Variants in OTUD7A observed in about 807,000 individuals in gnomAD.
OTUD7A encodes the protein OTU domain-containing protein 7A.
A neutral mutation model predicts 65.7 loss-of-function variants in OTUD7A; 12 were observed. The ratio of observed to expected loss-of-function variants is 0.18; its 90% CI spans 0.12 to 0.30. The LOEUF is 0.30. OTUD7A is among the 10% of genes least tolerant of loss of function. OTUD7A has a pLI of 1.00. For synonymous variants in OTUD7A, 641 were observed against 586.3 expected (o/e 1.09, Z -1.35); for missense variants, 1,148 against 1,304.8 (o/e 0.88, Z 1.85).
chr15:31,719,603 T>C (rs1029020266), intron 1 of OTUD7A, among the ~76,000 whole-genome samples: 12 of 152,160 alleles, frequency 7.9e-5, no homozygotes, highest in Non-Finnish European at 1.3e-4. Context: ...TCCCTTGCAA[T>C]ACTGCAGCTC....
intron 4 of OTUD7A, 57 bp downstream of exon 4, chr15:31,569,961 C>A (rs1888993907): frequency 1.3e-6 from 2 of 1,586,190 alleles, no homozygotes; most frequent in Admixed American, 3.4e-5. Context: ...AACCCGCCTG[C>A]AAGCTGCGGT....
chr15:31,522,615 A>G (rs2141113014), intron 8 of OTUD7A, among the ~76,000 whole-genome samples: 1 of 152,298 alleles, frequency 6.6e-6, no homozygotes, highest in Non-Finnish European at 1.5e-5. Flanking sequence ...GATGATAATG[A>G]CAGCTCATAG....
At chr15:31,633,357 A>G (rs1891238141) in intron 3 of OTUD7A, among the ~76,000 whole-genome samples, 1 of 152,194 alleles carries the variant, frequency 6.6e-6, no homozygotes, top group Admixed American at 6.5e-5. Context: ...TGCCTCTCCA[A>G]CTTCTACACT....
chr15:31,563,775 G>A (rs879884459), intron 4 of OTUD7A, among the ~76,000 whole-genome samples: 5 of 152,242 alleles, frequency 3.3e-5, no homozygotes, highest in Non-Finnish European at 7.3e-5. Context: ...GGAGCTGGGA[G>A]CAGCCCTCAG....
At chr15:31,500,380 C>A (rs937845159) in intron 10 of OTUD7A, among the ~76,000 whole-genome samples, 4 of 152,266 alleles carry the variant, frequency 2.6e-5, no homozygotes, top group Admixed American at 1.3e-4. Flanking sequence ...GCTGTAGCCT[C>A]CAGTCGTCTC....
intron 1 of OTUD7A, among the ~76,000 whole-genome samples, chr15:31,676,596 G>C (rs1281195366): frequency 2.0e-5 from 3 of 152,160 alleles, no homozygotes; most frequent in African/African-American, 7.2e-5. Flanking sequence ...ATGAGGGACG[G>C]GTCAAGAGAA....
intron 1 of OTUD7A, among the ~76,000 whole-genome samples, chr15:31,835,526 GTTGGTCTTCA>G (rs1897032870): frequency 6.6e-6 from 1 of 152,156 alleles, no homozygotes. Context: ...GGCAGCCAGG[GTTGGTCTTCA>G]TTGACAAGAA....
chr15:31,814,220 T>C (rs117861216), intron 1 of OTUD7A, among the ~76,000 whole-genome samples: 3,962 of 152,370 alleles, frequency 0.026, 70 homozygotes, highest in Middle Eastern at 0.061. Context: ...GCATCGGCCA[T>C]GCAAGGGTGC....
intron 1 of OTUD7A, among the ~76,000 whole-genome samples, chr15:31,845,320 C>T (rs1235819267): frequency 6.6e-6 from 1 of 152,166 alleles, no homozygotes; most frequent in Non-Finnish European, 1.5e-5. Context: ...ATTGAAAAGG[C>T]TGCGGAGCCA....
intron 3 of OTUD7A, chr15:31,649,858 A>T (rs1448276231): frequency 2.8e-6 from 1 of 360,988 alleles, no homozygotes; most frequent in South Asian, 2.0e-5. Flanking sequence ...CACAGTTGGA[A>T]GTGCCACAGA....
intron 1 of OTUD7A, among the ~76,000 whole-genome samples, chr15:31,870,294 G>A (rs1897993114): frequency 6.8e-6 from 1 of 147,526 alleles, no homozygotes. Context: ...AGCGGAGCCC[G>A]CAATGCAGAC....
chr15:31,544,171 A>G (rs1288189767), intron 5 of OTUD7A, among the ~76,000 whole-genome samples: 1 of 151,650 alleles, frequency 6.6e-6, no homozygotes, highest in Non-Finnish European at 1.5e-5. Context: ...AAAATCAGAA[A>G]ATATTTTGAA....
intron 3 of OTUD7A, among the ~76,000 whole-genome samples, chr15:31,630,837 T>C (rs1159193692): frequency 6.6e-5 from 10 of 152,298 alleles, no homozygotes; most frequent in African/African-American, 2.2e-4. Context: ...TTTACCATTA[T>C]GTAATGGCCT....
chr15:31,610,617 A>ATTTTTTTTTTTTTTTTTTTTT (rs58099939), intron 3 of OTUD7A, among the ~76,000 whole-genome samples: 1 of 30,562 alleles, frequency 3.3e-5, no homozygotes, highest in African/African-American at 1.7e-4. Flanking sequence ...ATATATATAT[A>ATTTTTTTTTTTTTTTTTTTTT]TTTTTTTTTT....
chr15:31,843,035 AGAC>A (rs1328712109), intron 1 of OTUD7A, among the ~76,000 whole-genome samples: 1 of 152,042 alleles, frequency 6.6e-6, no homozygotes, highest in Non-Finnish European at 1.5e-5. Flanking sequence ...ACTGCTATGC[AGAC>A]CCTAGTCCCC....
chr15:31,543,790 C>T (rs1888052570), intron 5 of OTUD7A, among the ~76,000 whole-genome samples: 1 of 151,770 alleles, frequency 6.6e-6, no homozygotes, highest in African/African-American at 2.4e-5. Context: ...TAGACAAGTA[C>T]TCAATCATGA....
intron 8 of OTUD7A, among the ~76,000 whole-genome samples, chr15:31,513,888 C>G (rs1334901345): frequency 6.6e-6 from 1 of 152,152 alleles, no homozygotes; most frequent in Non-Finnish European, 1.5e-5. Flanking sequence ...ATTGGTATCA[C>G]TATGGATTTC....
rs1042833917 is a variant in OTUD7A, at chr15:31,498,586, A to G, written c.1171+3104T>C. ...CACATTTGCTCAGTGGCCAGTAGGA[A>G]CTGACCTGAGCTGGGTGCTGAGAGA... On this transcript the variant is annotated intron_variant, in intron 10 of 12. Coordinates refer to ENST00000307050, the MANE Select transcript of OTUD7A (RefSeq NM_001382637.1). This position sits in a 1 kb window ranked among gnomAD's most constrained non-coding sequence, Gnocchi z 4.2. Among the ~76,000 whole-genome samples the G allele has an allele frequency of 6.6e-6, 1 of 152,146 alleles. No individual in the cohort carries two copies. Among genetic ancestry groups the G allele is most frequent in the African/African-American group, 2.4e-5 (1 of 41,410 alleles).
intron 1 of OTUD7A, among the ~76,000 whole-genome samples, chr15:31,849,267 AT>A (rs1897362718): frequency 6.6e-6 from 1 of 152,228 alleles, no homozygotes; most frequent in South Asian, 2.1e-4. Context: ...CAACCATCTG[AT>A]CTTTGACAAA....
Sources: allele counts gnomAD v4.1 joint callset (sites outside exome capture counted in the v4.1 genomes callset), GRCh38; gene constraint gnomAD v4.1.1; non-coding constraint Gnocchi (gnomAD v3.1); transcripts MANE v1.5; gene names NCBI Gene and HGNC (gene_info 2026-07-23, HGNC 2026-07-21).